ADAMTSL2: variants seen among roughly 807,000 people sequenced by gnomAD.
The protein encoded by ADAMTSL2 is ADAMTS-like protein 2.
In ADAMTSL2, 55 loss-of-function variants were observed where a neutral mutation model predicts 117.0. The observed-to-expected ratio is 0.47, with a 90% confidence interval of 0.38 to 0.59. The LOEUF (loss-of-function observed/expected upper bound fraction) is 0.59, where lower values mean the gene tolerates loss of function less well. ADAMTSL2 is among the 20% of genes least tolerant of loss of function. The pLI, the probability that ADAMTSL2 is intolerant of heterozygous loss-of-function variation, is 0.00. For missense variants in ADAMTSL2, 1,182 were observed against 1,354.5 expected (o/e 0.87, Z 2.00); for synonymous variants, 572 against 566.4 (o/e 1.01, Z -0.14).
At chr9:133,538,806 C>G (rs1052484228) in intron 4 of ADAMTSL2, among the ~76,000 whole-genome samples, 2 of 152,088 alleles carry the variant, frequency 1.3e-5, no homozygotes, top group Non-Finnish European at 2.9e-5. Context: ...TGAAACAGTA[C>G]CCCCCACGCC....
intron 17 of ADAMTSL2, among the ~76,000 whole-genome samples, chr9:133,572,802 A>G (rs920208244): frequency 6.6e-6 from 1 of 152,226 alleles, no homozygotes; most frequent in Admixed American, 6.5e-5. Flanking sequence ...GCCGGTGCAT[A>G]GCGGCGGCTC....
Position 133,554,845 on chromosome 9 carries a change from G to C in ADAMTSL2, c.1276+152G>C. Reference sequence around the variant, plus strand: ...GCAGATGTCCTCTGGGCAGGCACAGGGTTGAGGACTTGGGATAGGTCCTTC... The same window carrying C: ...GCAGATGTCCTCTGGGCAGGCACAGCGTTGAGGACTTGGGATAGGTCCTTC... On this transcript the variant is annotated intron_variant, in intron 10 of 18. Coordinates refer to ENST00000651351, the MANE Select transcript of ADAMTSL2 (RefSeq NM_014694.4). The surrounding 1 kb of genome is among the most constrained non-coding windows in gnomAD (Gnocchi z 5.2). The C allele has an allele frequency of 2.9e-6, 2 of 689,218 alleles. No homozygotes were observed. The highest frequency in any genetic ancestry group is 2.7e-5 in the East Asian group (1 of 36,366). The allele number at this position is 689,218 out of a possible 1,614,324, so 42.7% of individuals were successfully genotyped here. A position where few individuals can be genotyped will look rare whatever the true frequency, so the allele number is the denominator to read the frequency against.
At chr9:133,541,756 C>T (rs1188967049) in intron 7 of ADAMTSL2, among the ~76,000 whole-genome samples, 1 of 152,234 alleles carries the variant, frequency 6.6e-6, no homozygotes, top group Admixed American at 6.5e-5. Flanking sequence ...CAGCACCTGT[C>T]CCCTTCCTAA....
chr9:133,547,779 G>A (rs1254312752), intron 9 of ADAMTSL2, among the ~76,000 whole-genome samples: 2 of 152,158 alleles, frequency 1.3e-5, no homozygotes, highest in African/African-American at 4.8e-5. Flanking sequence ...GGTAGTTCCC[G>A]TGGCCCCTGC....
In ADAMTSL2 at chr9:133,561,226, G is replaced by A. The variant is rs1032941847; in HGVS notation, c.1678G>A (p.Val560Met). Residue 560 changes from valine to methionine, a missense_variant, in exon 12 of 19, where the codon GTG becomes ATG. Physicochemically the swap from Val to Met is conservative, Grantham distance 21 (BLOSUM62 1). Coordinates refer to ENST00000651351, the MANE Select transcript of ADAMTSL2 (RefSeq NM_014694.4). Reference sequence around the variant, plus strand: ...CAGGCCCAAGGCGCGCAAGCAAGGCGTGAGTCCCGCGGACATGTACCGGTG... The same window carrying A: ...CAGGCCCAAGGCGCGCAAGCAAGGCATGAGTCCCGCGGACATGTACCGGTG... Reference protein sequence around the residue: ...RTRPKARKQGVSPADMYRWKL... With the variant: ...RTRPKARKQGMSPADMYRWKL... 15 of 1,608,242 alleles carry A rather than the reference G, an allele frequency of 9.3e-6. No homozygotes were observed. The African/African-American group carries it at 9.3e-5, about 10-fold the overall frequency.
chr9:133,546,191 CT>C (rs1447819102), intron 8 of ADAMTSL2, among the ~76,000 whole-genome samples: 4 of 152,140 alleles, frequency 2.6e-5, no homozygotes, highest in African/African-American at 9.6e-5. Context: ...ATCAGTTCCC[CT>C]TGAAACCCCA....
intron 7 of ADAMTSL2, 30 bp downstream of exon 7, chr9:133,541,031 C>T: frequency 6.2e-7 from 1 of 1,606,014 alleles, no homozygotes; most frequent in Non-Finnish European, 8.5e-7. Flanking sequence ...GGAGTCCAAG[C>T]ACAGCAGAGT....
At chr9:133,559,510 ATT>A (rs35999438) in intron 11 of ADAMTSL2, among the ~76,000 whole-genome samples, 2 of 141,530 alleles carry the variant, frequency 1.4e-5, no homozygotes, top group Admixed American at 7.0e-5. Context: ...CACCCGGTGA[ATT>A]TTTTTTTTTT....
chr9:133,534,837 C>A lies in ADAMTSL2; in HGVS notation c.-231C>A, dbSNP rs761700325. On this transcript the variant is annotated 5_prime_UTR_variant, in exon 1 of 19. Transcript: ENST00000651351. ...CCTCTGCACTCACGCCGCCCCCGCACGCACAGCGCACCTGGCGCCGTCTGC... is the reference window on the plus strand; with the variant it reads ...CCTCTGCACTCACGCCGCCCCCGCAAGCACAGCGCACCTGGCGCCGTCTGC... 7 of 1,498,498 alleles carry A rather than the reference C, an allele frequency of 4.7e-6. No individual in the cohort carries two copies. The highest frequency in any genetic ancestry group is 6.3e-6 in the Non-Finnish European group (7 of 1,119,734). 92.8% of individuals were successfully genotyped at this position (1,498,498 alleles called of 1,614,324 possible).
At chr9:133,540,539 C>T in intron 5 of ADAMTSL2, 59 bp from the exon 6 acceptor site, 1 of 1,596,512 alleles carries the variant, frequency 6.3e-7, no homozygotes, top group Non-Finnish European at 8.5e-7. Flanking sequence ...AAGGGAAGTC[C>T]TCTGAATCCG....
Position 133,539,966 on chromosome 9 carries a change from C to T in ADAMTSL2, c.412+93C>T, listed in dbSNP as rs1034414971. ...CCTGGGACCAAACTCGACGGGTGGG[C>T]AGGTGGGGAAATGGAGGTGGTCAGA... On this transcript the variant is annotated intron_variant, in intron 5 of 18. Transcript: ENST00000651351. 1.0e-5 allele frequency: 12 copies of T among 1,202,184 alleles called. No individual in the cohort carries two copies. The Admixed American group carries it at 2.2e-4, about 22-fold the overall frequency. 74.5% of individuals were successfully genotyped at this position (1,202,184 alleles called of 1,614,324 possible). A position where few individuals can be genotyped will look rare whatever the true frequency, so the allele number is the denominator to read the frequency against.
At chr9:133,562,122 A>C (rs1588299612) in intron 12 of ADAMTSL2, among the ~76,000 whole-genome samples, 1 of 152,156 alleles carries the variant, frequency 6.6e-6, no homozygotes, top group Non-Finnish European at 1.5e-5. Flanking sequence ...CCCCAGTGCC[A>C]CCCATTTGCC....
At chr9:133,568,562 C>T in intron 14 of ADAMTSL2, 41 bp from the exon 15 acceptor site, 1 of 1,556,080 alleles carries the variant, frequency 6.4e-7, no homozygotes, top group Non-Finnish European at 8.7e-7. Flanking sequence ...GTGGCTACAC[C>T]TGTGTCACAC....
At chr9:133,540,506 G>A in intron 5 of ADAMTSL2, 92 bp from the exon 6 acceptor site, 1 of 1,524,874 alleles carries the variant, frequency 6.6e-7, no homozygotes, top group Non-Finnish European at 8.9e-7. Context: ...TCTATGCAAT[G>A]GGAGCTGTCT....
Position 133,568,676 on chromosome 9 carries a change from AC to A in ADAMTSL2, c.2166del (p.Asn723ThrfsTer5). On this transcript the variant is annotated frameshift_variant, in exon 15 of 19. Transcript: ENST00000651351. LOFTEE classifies it high-confidence loss of function. ...IRCSEDEKLC[D>X]PNTRPVGEKN... The stretch of plus-strand genomic sequence containing the variant: ...TGCTCGGAGGATGAGAAGCTGTGTG[AC>A]CCCAACACCAGGCCTGTAGGGGAGA... 1 of 1,613,302 alleles carries A rather than the reference AC, an allele frequency of 6.2e-7. No homozygotes were observed. Among genetic ancestry groups the A allele is most frequent in the Non-Finnish European group, 8.5e-7 (1 of 1,179,966 alleles).
At chr9:133,546,935 G>C in intron 8 of ADAMTSL2, 103 bp from the exon 9 acceptor site, 2 of 1,213,790 alleles carry the variant, frequency 1.6e-6, no homozygotes, top group Non-Finnish European at 2.4e-6. Flanking sequence ...CATTTGAGCC[G>C]GGGTTCTGGA....
intron 12 of ADAMTSL2, among the ~76,000 whole-genome samples, chr9:133,564,509 A>G (rs1286820428): frequency 4.2e-5 from 2 of 47,380 alleles, no homozygotes; most frequent in African/African-American, 6.7e-5. Context: ...AGGGAGAGAG[A>G]GAGGGAGAGG....
chr9:133,548,817 G>T (rs1293109727), intron 9 of ADAMTSL2, among the ~76,000 whole-genome samples: 1 of 152,198 alleles, frequency 6.6e-6, no homozygotes, highest in Non-Finnish European at 1.5e-5. Flanking sequence ...GGTGGGGTCC[G>T]TGGTCCACCC....
At chr9:133,556,268 C>T (rs1427614243) in intron 11 of ADAMTSL2, among the ~76,000 whole-genome samples, 1 of 152,232 alleles carries the variant, frequency 6.6e-6, no homozygotes, top group Admixed American at 6.5e-5. Context: ...CAGAGCTCAG[C>T]ATTTTATATG....
Sources: allele counts gnomAD v4.1 joint callset (sites outside exome capture counted in the v4.1 genomes callset), GRCh38; gene constraint gnomAD v4.1.1; non-coding constraint Gnocchi (gnomAD v3.1); transcripts MANE v1.5; gene names NCBI Gene and HGNC (gene_info 2026-07-23, HGNC 2026-07-21).